The following SGIP1 variants were observed in gnomAD, a reference collection of about 807,000 sequenced individuals.
SGIP1 encodes the protein SH3GL interacting endocytic adaptor 1.
In SGIP1, 38 loss-of-function variants were observed where a neutral mutation model predicts 107.5. That is an observed-to-expected ratio of 0.35 (90% confidence interval 0.27 to 0.46). The LOEUF (loss-of-function observed/expected upper bound fraction) is 0.46, where lower values mean the gene tolerates loss of function less well. Among genes scored for constraint, SGIP1 ranks in the 20% least tolerant of loss-of-function variants. The pLI, the probability that SGIP1 is intolerant of heterozygous loss-of-function variation, is 1.00. For synonymous variants in SGIP1, 365 were observed against 366.1 expected, an observed-to-expected ratio of 1.00 and a Z score of 0.03; for missense variants, 929 against 1,019.5, an observed-to-expected ratio of 0.91 and a Z score of 1.21.
At chr1:66,568,776 A>G (rs190056297) in intron 1 of SGIP1, among the ~76,000 whole-genome samples, 1 of 152,172 alleles carries the variant, frequency 6.6e-6, no homozygotes, top group Admixed American at 6.6e-5. Flanking sequence ...CCACATGATT[A>G]TCTCAATAGA....
rs1259140500 is a variant in SGIP1, at chr1:66,745,198, T to C, written c.*2103T>C. 1 of 151,990 alleles carries C rather than the reference T, an allele frequency of 6.6e-6. No individual in the cohort carries two copies. The highest frequency in any genetic ancestry group is 1.5e-5 in the Non-Finnish European group (1 of 67,896). 9.4% of individuals were successfully genotyped at this position (151,990 alleles called of 1,614,324 possible). A position where few individuals can be genotyped will look rare whatever the true frequency, so the allele number is the denominator to read the frequency against. ...TTTCCCAAAAAATAATTTTACTGATTTTTAAAAATTTAATTAAAAACATAG... is the reference window on the plus strand; with the variant it reads ...TTTCCCAAAAAATAATTTTACTGATCTTTAAAAATTTAATTAAAAACATAG... On this transcript the variant is annotated 3_prime_UTR_variant, in exon 25 of 25. Coordinates refer to ENST00000371037, the MANE Select transcript of SGIP1 (RefSeq NM_032291.4).
At position 66,734,550 on chromosome 1, in the gene SGIP1, G is replaced by A. The variant is rs538389032; in HGVS notation, c.2031+670G>A. 1.4e-4 allele frequency among the ~76,000 whole-genome samples: 21 copies of A among 150,028 alleles called. 1 individual carries two copies. The South Asian group carries it at 4.5e-3, about 32-fold the overall frequency. On this transcript the variant is annotated intron_variant, in intron 21 of 24. Transcript: ENST00000371037. ...GACAGAGTCTCACCCTATCACCCAG[G>A]CTGGAGTGCAGTGGCACAATCTTGG...
At chr1:66,732,678 T>A (rs896390662) in intron 20 of SGIP1, among the ~76,000 whole-genome samples, 1 of 152,184 alleles carries the variant, frequency 6.6e-6, no homozygotes, top group Non-Finnish European at 1.5e-5. Context: ...ACTTTTGACC[T>A]GTCTTTTCAC....
chr1:66,541,483 A>G (rs1289365811), intron 1 of SGIP1, among the ~76,000 whole-genome samples: 1 of 152,242 alleles, frequency 6.6e-6, no homozygotes, highest in Non-Finnish European at 1.5e-5. Context: ...TTCCAAGCCC[A>G]AAGTTACAGC....
At chr1:66,695,186 A>G in intron 17 of SGIP1, 1 of 707,578 alleles carries the variant, frequency 1.4e-6, no homozygotes, top group South Asian at 2.6e-5. Context: ...CCAAGTATCA[A>G]GCGACCACCA....
At chr1:66,553,394 G>T (rs555572526) in intron 1 of SGIP1, among the ~76,000 whole-genome samples, 1 of 151,796 alleles carries the variant, frequency 6.6e-6, no homozygotes, top group Admixed American at 6.6e-5. Context: ...TGAGGCCAAC[G>T]GCTGGACGTG....
At chr1:66,659,451 G>T (rs1277745410) in intron 7 of SGIP1, among the ~76,000 whole-genome samples, 1 of 152,164 alleles carries the variant, frequency 6.6e-6, no homozygotes, top group Non-Finnish European at 1.5e-5. Context: ...GATAGGTTCT[G>T]GGTTCCCTGG....
chr1:66,648,026 T>C (rs1453211230), intron 7 of SGIP1, among the ~76,000 whole-genome samples: 1 of 152,138 alleles, frequency 6.6e-6, no homozygotes, highest in African/African-American at 2.4e-5. Flanking sequence ...GAGGGAGAAG[T>C]TGAGCTGCTT....
chr1:66,614,930 C>T (rs1434925325), intron 1 of SGIP1, among the ~76,000 whole-genome samples: 2 of 147,588 alleles, frequency 1.4e-5, no homozygotes, highest in African/African-American at 5.0e-5. Flanking sequence ...AGTGATTCTC[C>T]TGCCTCAGCC....
Position 66,739,324 on chromosome 1 carries a change from C to T in SGIP1, c.2032-11C>T, listed in dbSNP as rs757221616. The T allele has an allele frequency of 1.1e-5, 18 of 1,605,428 alleles. No individual in the cohort carries two copies. Among genetic ancestry groups the T allele is most frequent in the Non-Finnish European group, 1.5e-5 (18 of 1,179,518 alleles). On this transcript the variant is annotated splice_polypyrimidine_tract_variant and intron_variant, in intron 21 of 24. Transcript: ENST00000371037. Reference sequence around the variant, plus strand: ...CATATGTTGTTATTTTCTTTCCTGTCGTTCGGCAAGGTGTCTGCCCAGGGC... The same window carrying T: ...CATATGTTGTTATTTTCTTTCCTGTTGTTCGGCAAGGTGTCTGCCCAGGGC...
At position 66,633,088 on chromosome 1, in the gene SGIP1, T is replaced by C; in HGVS notation, c.93T>C (p.Asp31=). ...DTDSTGSPDR[D]GIQPSPHEPP... is the part of the protein sequence containing the mutation. ...GTTACAGAGGTTCACCAGATAGAGA[T>C]GGAATTGTAAGTATTTAAATAACCA... The change falls in exon 3 of 25, where the codon GAT becomes GAC. Residue 31 remains aspartate, a synonymous_variant. Transcript: ENST00000371037. 1.3e-6 allele frequency: 2 copies of C among 1,536,136 alleles called. No homozygotes were observed. Among genetic ancestry groups the C allele is most frequent in the Non-Finnish European group, 1.8e-6 (2 of 1,110,388 alleles).
chr1:66,648,000 T>G (rs1469012532), intron 7 of SGIP1, among the ~76,000 whole-genome samples: 1 of 152,120 alleles, frequency 6.6e-6, no homozygotes, highest in Admixed American at 6.5e-5. Flanking sequence ...TTAATACCTG[T>G]GATGTGGGGT....
Position 66,719,306 on chromosome 1 carries a change from G to A in SGIP1, c.1643G>A (p.Gly548Glu). 1 of 1,611,274 alleles carries A rather than the reference G, an allele frequency of 6.2e-7. No homozygotes were observed. Among genetic ancestry groups the A allele is most frequent in the Non-Finnish European group, 8.5e-7 (1 of 1,178,860 alleles). ...TCATTTCATGCAGGTTCTTCCAGGG[G>A]ACCCAGCCCCCTAACCATGGGAGCT... ...FYLTFEGSSRGPSPLTMGAQD... is the reference protein window; with the variant it reads ...FYLTFEGSSREPSPLTMGAQD... Residue 548 changes from glycine to glutamate, a missense_variant, in exon 19 of 25, where the codon GGA (glycine) becomes GAA (glutamate). Physicochemically the swap from Gly to Glu is moderately conservative, Grantham distance 98. Around this residue, in one of 2 missense-constraint regions of SGIP1, gnomAD observed 341 missense variants for 430.9 expected, o/e 0.79. Coordinates refer to ENST00000371037, the MANE Select transcript of SGIP1 (RefSeq NM_032291.4).
At chr1:66,578,753 T>C (rs2166306) in intron 1 of SGIP1, among the ~76,000 whole-genome samples, 51,264 of 151,954 alleles carry the variant, frequency 0.34, 9,303 homozygotes, top group African/African-American at 0.48. Context: ...CTCATCACAA[T>C]CTCCGCCTCC....
rs548042878 is a variant in SGIP1 at position 66,591,436 on chromosome 1, C to T, written c.11-34411C>T. On this transcript the variant is annotated intron_variant, in intron 1 of 24. Transcript: ENST00000371037. ...TCCAGTCCTGCTTACTGTATTTTTT[C>T]TTTTTAATAGACTTTTTAGAGCACT... Among the ~76,000 whole-genome samples the T allele has an allele frequency of 4.6e-5, 7 of 152,168 alleles. No individual in the cohort carries two copies. The East Asian group carries it at 1.4e-3, about 29-fold the overall frequency.
Position 66,713,442 on chromosome 1 carries a change from T to C in SGIP1, c.1631-5852T>C, listed in dbSNP as rs1557721513. Among the ~76,000 whole-genome samples, 3 of 152,248 alleles carry C rather than the reference T, an allele frequency of 2.0e-5. No individual in the cohort carries two copies. The South Asian group carries it at 6.2e-4, about 32-fold the overall frequency. ...GATACCTAACCTGTGTACACTCCAG[T>C]GTACAAAGAACATAAAGCCATATTA... is the stretch of plus-strand genomic sequence containing the variant. On this transcript the variant is annotated intron_variant, in intron 18 of 24. Coordinates refer to ENST00000371037, the MANE Select transcript of SGIP1 (RefSeq NM_032291.4).
intron 1 of SGIP1, among the ~76,000 whole-genome samples, chr1:66,580,626 A>G (rs1214992120): frequency 1.3e-5 from 2 of 152,146 alleles, no homozygotes; most frequent in Non-Finnish European, 2.9e-5. Flanking sequence ...TATGTGATCA[A>G]TAAATTAATA....
chr1:66,639,679 A>G (rs1387364341), intron 4 of SGIP1, 98 bp from the exon 5 acceptor site: 2 of 977,082 alleles, frequency 2.0e-6, no homozygotes, highest in Non-Finnish European at 3.2e-6. Context: ...CTGGATTTTG[A>G]TAGCTTTTGC....
chr1:66,741,493 T>C (rs1355537833), intron 24 of SGIP1, 57 bp downstream of exon 24: 2 of 1,468,392 alleles, frequency 1.4e-6, no homozygotes, highest in East Asian at 2.5e-5. Flanking sequence ...TGGCTACTCT[T>C]AAGAGGAATA....
Sources: gnomAD v4.1 joint callset for allele counts (sites outside exome capture counted in the v4.1 genomes callset) on GRCh38, gnomAD v4.1.1 for gene constraint, gnomAD v4.1.1 regional missense constraint, MANE v1.5 for transcripts, NCBI Gene and HGNC (gene_info 2026-07-23, HGNC 2026-07-21) for gene names.